SMIM14: variants seen among roughly 807,000 people sequenced by gnomAD.
The protein encoded by SMIM14 is chromosome 4 open reading frame 34.
A neutral mutation model predicts 12.6 loss-of-function variants in SMIM14; 5 were observed. The ratio of observed to expected loss-of-function variants is 0.40; its 90% confidence interval spans 0.21 to 0.83. SMIM14 has a LOEUF of 0.83. Ranked by LOEUF, SMIM14 falls within the 40% of genes least tolerant of loss-of-function variation. The pLI, the probability that SMIM14 is intolerant of heterozygous loss-of-function variation, is 0.37. For missense variants in SMIM14, 86 were observed against 119.1 expected (o/e 0.72, Z 1.29); for synonymous variants, 30 against 40.1 (o/e 0.75, Z 0.95).
chr4:39,615,717 A>C (rs1715198673), intron 1 of SMIM14, among the ~76,000 whole-genome samples: 1 of 152,298 alleles, frequency 6.6e-6, no homozygotes, highest in African/African-American at 2.4e-5. Flanking sequence ...TAAACTAAAA[A>C]ACTGGATGTG....
At chr4:39,569,374 T>A (rs1165923713) in intron 3 of SMIM14, among the ~76,000 whole-genome samples, 1 of 152,204 alleles carries the variant, frequency 6.6e-6, no homozygotes, top group Non-Finnish European at 1.5e-5. Context: ...AAAATCATAA[T>A]GTATAACAAG....
At chr4:39,592,016 G>A (rs1363421704) in intron 2 of SMIM14, among the ~76,000 whole-genome samples, 1 of 147,908 alleles carries the variant, frequency 6.8e-6, no homozygotes, top group African/African-American at 2.5e-5. Flanking sequence ...AACACAGTGA[G>A]ACCCCATCTC....
chr4:39,625,211 T>C (rs141101380), intron 1 of SMIM14, among the ~76,000 whole-genome samples: 44 of 128,714 alleles, frequency 3.4e-4, no homozygotes, highest in African/African-American at 1.3e-3. Flanking sequence ...GGGTGAGACA[T>C]CATCTCAAAA....
intron 2 of SMIM14, chr4:39,589,554 G>C (rs1183135531): frequency 6.6e-6 from 1 of 152,138 alleles, no homozygotes; most frequent in Non-Finnish European, 1.5e-5. Flanking sequence ...ATCCAAGTTC[G>C]CATTTCTAAA....
chr4:39,592,471 A>G (rs2110040730), intron 2 of SMIM14, among the ~76,000 whole-genome samples: 1 of 152,250 alleles, frequency 6.6e-6, no homozygotes, highest in African/African-American at 2.4e-5. Flanking sequence ...AACTGCTGTT[A>G]GTGCCCATAA....
chr4:39,637,789 T>C (rs2109263984), intron 1 of SMIM14, among the ~76,000 whole-genome samples: 1 of 152,246 alleles, frequency 6.6e-6, no homozygotes, highest in African/African-American at 2.4e-5. Context: ...CTCCTAAGCG[T>C]CCCAACACTC....
rs781591837 is a variant in SMIM14, at chr4:39,610,564, G to A, written c.-35-5384C>T. ...TTTTTAATTAGCTGGGTGTGGTGGC[G>A]TGTACCTGTAGTTCTAACTACTCTG... is the stretch of plus-strand genomic sequence containing the variant. On this transcript the variant is annotated intron_variant, in intron 1 of 4. Transcript: ENST00000295958. Among the ~76,000 whole-genome samples the A allele has an allele frequency of 7.9e-5, 12 of 151,752 alleles. No homozygotes were observed. The South Asian group carries it at 8.3e-4, about 11-fold the overall frequency.
Position 39,546,344 on chromosome 4 carries a change from A to C in SMIM14, c.*5782T>G, listed in dbSNP as rs538102501. Reference sequence around the variant, plus strand: ...AGAAACAAGTATAAAAATTTGTTGAAGTGTTTATTGAACGAACATAATACA... The same window carrying C: ...AGAAACAAGTATAAAAATTTGTTGACGTGTTTATTGAACGAACATAATACA... On this transcript the variant is annotated 3_prime_UTR_variant, in exon 5 of 5. Transcript: ENST00000295958. 5.2e-4 allele frequency: 79 copies of C among 152,346 alleles called. No individual in the cohort carries two copies. Among genetic ancestry groups the C allele is most frequent in the African/African-American group, 1.8e-3 (76 of 41,574 alleles). The allele number at this position is 152,346 out of a possible 1,614,324, so 9.4% of individuals were successfully genotyped here. A position where few individuals can be genotyped will look rare whatever the true frequency, so the allele number is the denominator to read the frequency against.
At chr4:39,576,816 A>C (rs1264755078) in intron 2 of SMIM14, among the ~76,000 whole-genome samples, 2 of 143,896 alleles carry the variant, frequency 1.4e-5, no homozygotes, top group Non-Finnish European at 3.0e-5. Context: ...GGTTCAAGCG[A>C]TTCTCCTGCC....
At chr4:39,635,202 G>T (rs536744877) in intron 1 of SMIM14, among the ~76,000 whole-genome samples, 1 of 152,276 alleles carries the variant, frequency 6.6e-6, no homozygotes, top group Admixed American at 6.5e-5. Flanking sequence ...AACCAGCTTG[G>T]CAAGTTCCAG....
rs754476811 is a variant in SMIM14, at chr4:39,552,123, A to G, written c.*3T>C. On this transcript the variant is annotated 3_prime_UTR_variant, in exon 5 of 5. Transcript: ENST00000295958. ...AACTATTTTCACTTCCCATATCACA[A>G]AGTTAGTCCACAGGAGGAGCTGGTG... 1.3e-5 allele frequency: 21 copies of G among 1,593,878 alleles called. No homozygotes were observed. The highest frequency in any genetic ancestry group is 6.9e-5 in the Admixed American group (4 of 58,248).
intron 4 of SMIM14, among the ~76,000 whole-genome samples, chr4:39,555,022 G>T (rs1578306890): frequency 6.6e-6 from 1 of 151,774 alleles, no homozygotes; most frequent in South Asian, 2.1e-4. Flanking sequence ...TTTTACTAGA[G>T]ACAGGGTTTC....
At chr4:39,631,083 G>C (rs1361348443) in intron 1 of SMIM14, among the ~76,000 whole-genome samples, 1 of 152,064 alleles carries the variant, frequency 6.6e-6, no homozygotes, top group African/African-American at 2.4e-5. Context: ...TGTAATCCCA[G>C]GACTTTGGGA....
At chr4:39,578,543 G>A (rs1713321180) in intron 2 of SMIM14, among the ~76,000 whole-genome samples, 3 of 152,114 alleles carry the variant, frequency 2.0e-5, no homozygotes, top group African/African-American at 7.2e-5. Flanking sequence ...TAGTAATGTG[G>A]GGATGGGTGC....
At chr4:39,632,965 G>A (rs1352353312) in intron 1 of SMIM14, among the ~76,000 whole-genome samples, 1 of 151,292 alleles carries the variant, frequency 6.6e-6, no homozygotes, top group Non-Finnish European at 1.5e-5. Flanking sequence ...ATATATATAT[G>A]CTATATATAC....
chr4:39,562,128 C>T (rs955207477), intron 3 of SMIM14, among the ~76,000 whole-genome samples: 1 of 152,010 alleles, frequency 6.6e-6, no homozygotes, highest in African/African-American at 2.4e-5. Context: ...GATCTCAGCA[C>T]TCTAGGAGGC....
At position 39,558,210 on chromosome 4, in the gene SMIM14, A is replaced by G. The variant is rs1191751735; in HGVS notation, c.125-1640T>C. Among the ~76,000 whole-genome samples, 1 of 152,244 alleles carries G rather than the reference A, an allele frequency of 6.6e-6. No homozygotes were observed. The highest frequency in any genetic ancestry group is 1.5e-5 in the Non-Finnish European group (1 of 68,046). On this transcript the variant is annotated intron_variant, in intron 3 of 4. Transcript: ENST00000295958. The surrounding 1 kb of genome is among the most constrained non-coding windows in gnomAD (Gnocchi z 4.3). ...TCAATTTTCAGAAATAAAAATGGCC[A>G]GGTGCACTGGCTCACGCCTGTAATC...
At position 39,556,461 on chromosome 4, in the gene SMIM14, G is replaced by A. The variant is rs1279191800; in HGVS notation, c.234C>T (p.Ser78=). The A allele has an allele frequency of 2.5e-6, 4 of 1,612,924 alleles. 1 individual carries two copies. In the Middle Eastern group the frequency reaches 5.0e-4, roughly 200 times the overall value. The part of the protein sequence containing the change: ...FLLRPPNLRG[S]SLPGKPTSPH... ...GACTGGTTGGCTTTCCAGGTAGGCT[G>A]GATCCTCTTAGATTAGGAGGTCTCA... is the stretch of plus-strand genomic sequence containing the variant. The change falls in exon 4 of 5, where the codon TCC becomes TCT. Residue 78 remains serine, a synonymous_variant. Coordinates refer to ENST00000295958, the MANE Select transcript of SMIM14 (RefSeq NM_174921.3).
chr4:39,567,223 G>T (rs1363057656), intron 3 of SMIM14, among the ~76,000 whole-genome samples: 1 of 147,854 alleles, frequency 6.8e-6, no homozygotes, highest in East Asian at 2.0e-4. Context: ...ATATGGAGAA[G>T]ATTTAGTTAT....
Sources: gnomAD v4.1 joint callset for allele counts (sites outside exome capture counted in the v4.1 genomes callset) on GRCh38, gnomAD v4.1.1 for gene constraint, Gnocchi (gnomAD v3.1) non-coding constraint, MANE v1.5 for transcripts, NCBI Gene and HGNC (gene_info 2026-07-23, HGNC 2026-07-21) for gene names.